The following OSBPL10 variants were observed in gnomAD, a reference collection of about 807,000 sequenced individuals.
OSBPL10 encodes oxysterol-binding protein-related protein 10.
In OSBPL10, 49 loss-of-function variants were observed where a neutral mutation model predicts 81.7. That is an observed-to-expected ratio of 0.60 (90% CI 0.48 to 0.76). The LOEUF is 0.76. Ranked by LOEUF, OSBPL10 falls within the 30% of genes least tolerant of loss-of-function variation. The pLI is 0.00. For synonymous variants in OSBPL10, 419 were observed against 383.6 expected, an observed-to-expected ratio of 1.09 and a Z score of -1.08; for missense variants, 923 against 987.8, an observed-to-expected ratio of 0.93 and a Z score of 0.88.
intron 1 of OSBPL10, among the ~76,000 whole-genome samples, chr3:31,938,707 C>T (rs755271507): frequency 6.6e-6 from 1 of 152,126 alleles, no homozygotes; most frequent in Non-Finnish European, 1.5e-5. Context: ...GCTGCCCAGG[C>T]TGGTCTCGAA....
At chr3:31,720,053 T>C (rs1696585039) in intron 6 of OSBPL10, among the ~76,000 whole-genome samples, 1 of 148,406 alleles carries the variant, frequency 6.7e-6, no homozygotes, top group African/African-American at 2.5e-5. Flanking sequence ...AACATATATA[T>C]ATATTATATA....
chr3:32,013,345 C>CA (rs1699278993), intron 2 of OSBPL10, among the ~76,000 whole-genome samples: 1 of 152,180 alleles, frequency 6.6e-6, no homozygotes. Flanking sequence ...TGAATGGCTA[C>CA]TGCATACATA....
At chr3:31,904,004 G>A (rs1696332556) in intron 1 of OSBPL10, among the ~76,000 whole-genome samples, 2 of 152,256 alleles carry the variant, frequency 1.3e-5, no homozygotes, top group East Asian at 3.9e-4. Flanking sequence ...ACCTAGGAGA[G>A]GGGAAGGAGA....
At chr3:31,967,618 T>C (rs1698436998) in intron 1 of OSBPL10, among the ~76,000 whole-genome samples, 1 of 152,200 alleles carries the variant, frequency 6.6e-6, no homozygotes, top group African/African-American at 2.4e-5. Flanking sequence ...TATATTACGA[T>C]GAAACAACTT....
At chr3:31,714,190 G>A (rs901663198) in intron 6 of OSBPL10, 1 of 152,412 alleles carries the variant, frequency 6.6e-6, no homozygotes, top group Non-Finnish European at 1.5e-5. Context: ...GGGGGTGGTA[G>A]TGACATGTTT....
upstream of OSBPL10, among the ~76,000 whole-genome samples, chr3:31,982,125 C>T (rs1698862916): frequency 6.6e-6 from 1 of 152,138 alleles, no homozygotes; most frequent in African/African-American, 2.4e-5. Flanking sequence ...TGCACGTGCA[C>T]CTAGGAGCAG....
In OSBPL10 at chr3:31,929,754, A is replaced by G. The variant is rs565836727; in HGVS notation, c.282-49924T>C. Among the ~76,000 whole-genome samples the G allele has an allele frequency of 1.8e-3, 271 of 151,576 alleles. 1 individual carries two copies. The highest frequency in any genetic ancestry group is 6.3e-3 in the African/African-American group (261 of 41,256). ...CAGGGCAAGACTCTGTCTCAAAAAAAAAAAAAAAGGAAATAAAAATAAAGC... is the reference window on the plus strand; with the variant it reads ...CAGGGCAAGACTCTGTCTCAAAAAAGAAAAAAAAGGAAATAAAAATAAAGC... On this transcript the variant is annotated intron_variant, in intron 1 of 11. Transcript: ENST00000396556.
At chr3:31,663,548 G>A in intron 11 of OSBPL10, 2 of 1,002,266 alleles carry the variant, frequency 2.0e-6, no homozygotes, top group Non-Finnish European at 2.4e-6. Flanking sequence ...TGTCACATTT[G>A]CAGGTGACAG....
intron 2 of OSBPL10, among the ~76,000 whole-genome samples, chr3:32,027,533 G>A (rs1699428074): frequency 6.6e-6 from 1 of 152,204 alleles, no homozygotes; most frequent in Non-Finnish European, 1.5e-5. Flanking sequence ...AATTCTTGAT[G>A]TTGGAAATAA....
At chr3:31,927,574 C>T (rs1697110852) in intron 1 of OSBPL10, among the ~76,000 whole-genome samples, 1 of 150,794 alleles carries the variant, frequency 6.6e-6, no homozygotes, top group South Asian at 2.1e-4. Context: ...TTAAATTGTA[C>T]TATACTGATA....
intron 1 of OSBPL10, among the ~76,000 whole-genome samples, chr3:31,913,262 T>C (rs1046011115): frequency 1.3e-5 from 2 of 151,930 alleles, no homozygotes; most frequent in East Asian, 1.9e-4. Context: ...GTTTTTTTTT[T>C]CTTTAAGATG....
chr3:31,972,067 C>T (rs995758207), intron 1 of OSBPL10, among the ~76,000 whole-genome samples: 5 of 152,198 alleles, frequency 3.3e-5, no homozygotes, highest in Admixed American at 1.3e-4. Flanking sequence ...GGGGATGGTG[C>T]TGCCACCTCA....
chr3:31,811,408 G>A (rs1699677836), intron 4 of OSBPL10, among the ~76,000 whole-genome samples: 1 of 152,228 alleles, frequency 6.6e-6, no homozygotes, highest in South Asian at 2.1e-4. Context: ...GCGCAGGGAG[G>A]ACGGCTTTCC....
intron 5 of OSBPL10, 85 bp downstream of exon 5, chr3:31,747,825 G>A (rs1271589122): frequency 7.4e-7 from 1 of 1,353,636 alleles, no homozygotes; most frequent in Non-Finnish European, 1.1e-6. Context: ...TAGAGAAATG[G>A]ATGGAATTAA....
intron 4 of OSBPL10, among the ~76,000 whole-genome samples, chr3:31,815,108 T>C (rs931163755): frequency 3.3e-5 from 5 of 151,816 alleles, no homozygotes; most frequent in African/African-American, 9.7e-5. Flanking sequence ...GGAATGTCTA[T>C]GCAGAGAGGC....
intron 4 of OSBPL10, among the ~76,000 whole-genome samples, chr3:31,761,827 A>AAAAAAAAAAAAAAC (rs996116489): frequency 6.7e-6 from 1 of 149,434 alleles, no homozygotes; most frequent in African/African-American, 2.6e-5. Context: ...AAAAAAAAAA[A>AAAAAAAAAAAAAAC]AAAACCCTAA....
In OSBPL10 at chr3:32,042,548, T is replaced by C. The variant is rs116102594; in HGVS notation, n.298+3943A>G. 2.2e-3 allele frequency among the ~76,000 whole-genome samples: 341 copies of C among 152,290 alleles called. 5 individuals carry two copies. The East Asian group carries it at 0.032, about 14-fold the overall frequency. On this transcript the variant is annotated intron_variant and non_coding_transcript_variant, in intron 2 of 3. Coordinates refer to the OSBPL10 transcript ENST00000479173. ...AGATTTAGTTGTATGCTCTATCATA[T>C]TGGGGGAACCTGCCCCCAATATTTC...
chr3:31,778,437 T>C (rs1698605278), intron 4 of OSBPL10, among the ~76,000 whole-genome samples: 1 of 152,110 alleles, frequency 6.6e-6, no homozygotes, highest in African/African-American at 2.4e-5. Flanking sequence ...GTTTCAAAAA[T>C]AGAATTGAAG....
rs569978430 is a variant in OSBPL10, at chr3:31,801,173, G to A, written c.729+28867C>T. 4.6e-5 allele frequency among the ~76,000 whole-genome samples: 7 copies of A among 152,110 alleles called. 1 individual carries two copies. In the South Asian group the frequency reaches 8.3e-4, roughly 18 times the overall value. On this transcript the variant is annotated intron_variant, in intron 4 of 11. Coordinates refer to ENST00000396556, the MANE Select transcript of OSBPL10 (RefSeq NM_017784.5). Reference sequence around the variant, plus strand: ...AGGTACAAGAACCAACAACTTTTCAGGAGCATGGGATAAAGACTCTTTCTT... The same window carrying A: ...AGGTACAAGAACCAACAACTTTTCAAGAGCATGGGATAAAGACTCTTTCTT...
Sources: allele counts gnomAD v4.1 joint callset (sites outside exome capture counted in the v4.1 genomes callset), GRCh38; gene constraint gnomAD v4.1.1; transcripts MANE v1.5; gene names NCBI Gene and HGNC (gene_info 2026-07-23, HGNC 2026-07-21).